TENM1: variants seen among roughly 807,000 people sequenced by gnomAD.
TENM1 encodes teneurin transmembrane protein 1, also known as teneurin-1.
A neutral mutation model predicts 174.8 loss-of-function variants in TENM1; 35 were observed. The observed-to-expected ratio is 0.20, with a 90% CI of 0.15 to 0.27. The LOEUF (loss-of-function observed/expected upper bound fraction) is 0.27, where lower values mean the gene tolerates loss of function less well. Ranked by LOEUF, TENM1 falls within the 10% of genes least tolerant of loss-of-function variation. The probability of loss-of-function intolerance (pLI) is 1.00; values close to 1 mark genes in which losing one functional copy is unlikely to be tolerated. For missense variants in TENM1, 1,633 were observed against 2,130.1 expected (o/e 0.77, Z 4.59); for synonymous variants, 781 against 798.7 (o/e 0.98, Z 0.37).
chrX:124,905,331 A>ATGAT (rs1384197208), intron 1 of TENM1, among the ~76,000 whole-genome samples: 1 of 111,734 alleles, frequency 8.9e-6, no homozygotes, highest in Non-Finnish European at 1.9e-5. Context: ...GAATGAATGA[A>ATGAT]TAAATTTTCT....
the TENM1 span, among the ~76,000 whole-genome samples, chrX:125,135,300 G>A: frequency 8.9e-6 from 1 of 111,972 alleles, no homozygotes; most frequent in African/African-American, 3.2e-5. Context: ...CCCTGGGGAT[G>A]TGACCATTTC....
At chrX:125,060,861 G>C in the TENM1 span, among the ~76,000 whole-genome samples, 2 of 111,065 alleles carry the variant, frequency 1.8e-5, no homozygotes, top group South Asian at 7.6e-4. Context: ...AATTTGAATA[G>C]GTCTGAGTCA....
chrX:124,655,499 C>T (rs993217814), intron 6 of TENM1, among the ~76,000 whole-genome samples: 1 of 111,530 alleles, frequency 9.0e-6, no homozygotes, highest in Non-Finnish European at 1.9e-5. Flanking sequence ...TTTCAGCCAT[C>T]AACTCCTTCT....
the TENM1 span, among the ~76,000 whole-genome samples, chrX:125,135,138 G>C: frequency 4.7e-5 from 5 of 106,925 alleles, no homozygotes; most frequent in Non-Finnish European, 9.6e-5. Flanking sequence ...CCTTGGGTGT[G>C]TATTCTATGA....
intron 11 of TENM1, among the ~76,000 whole-genome samples, chrX:124,640,834 G>A (rs778891140): frequency 7.3e-5 from 8 of 109,639 alleles, no homozygotes; most frequent in Non-Finnish European, 1.5e-4. Flanking sequence ...GGTGTCACGC[G>A]CCTGTAGTCC....
chrX:124,971,183 G>GT, the TENM1 span, among the ~76,000 whole-genome samples: 1 of 107,791 alleles, frequency 9.3e-6, no homozygotes, highest in African/African-American at 3.4e-5. Flanking sequence ...TATACCTAAT[G>GT]TAAATGACGG....
the TENM1 span, among the ~76,000 whole-genome samples, chrX:124,976,303 G>A: frequency 9.0e-6 from 1 of 111,279 alleles, no homozygotes; most frequent in Non-Finnish European, 1.9e-5. Flanking sequence ...AGCACAGAGA[G>A]GTTAACTAAT....
At chrX:125,159,020 A>C in the TENM1 span, among the ~76,000 whole-genome samples, 1 of 111,233 alleles carries the variant, frequency 9.0e-6, no homozygotes, top group East Asian at 2.8e-4. Context: ...GTAAAGGCAG[A>C]AACAGTCTAG....
chrX:124,687,294 C>A (rs2052390590), intron 5 of TENM1, among the ~76,000 whole-genome samples: 1 of 111,638 alleles, frequency 9.0e-6, no homozygotes, highest in South Asian at 3.8e-4. Flanking sequence ...CTACAACCAT[C>A]TGATCTTCGA....
chrX:124,909,414 A>G (rs1381306579), intron 1 of TENM1, among the ~76,000 whole-genome samples: 2 of 112,014 alleles, frequency 1.8e-5, no homozygotes, highest in African/African-American at 6.5e-5. Context: ...TGCTGTCTCC[A>G]TCTGGATTTC....
chrX:124,588,583 C>G (rs1194019908), intron 11 of TENM1, among the ~76,000 whole-genome samples: 6 of 109,742 alleles, frequency 5.5e-5, no homozygotes, highest in African/African-American at 2.0e-4. Context: ...AGGAGATATA[C>G]CTAATGCTAA....
chrX:125,120,329 A>G, the TENM1 span, among the ~76,000 whole-genome samples: 1 of 111,320 alleles, frequency 9.0e-6, no homozygotes, highest in African/African-American at 3.3e-5. Context: ...TATGTTTTTA[A>G]GTTCCAGTGT....
chrX:124,629,805 C>T (rs971818319), intron 11 of TENM1, among the ~76,000 whole-genome samples: 2 of 112,035 alleles, frequency 1.8e-5, no homozygotes, highest in African/African-American at 6.5e-5. Flanking sequence ...GATCCTTCCC[C>T]ATATATGCTC....
chrX:124,751,971 T>C (rs1489414206), intron 3 of TENM1, among the ~76,000 whole-genome samples: 3 of 110,943 alleles, frequency 2.7e-5, no homozygotes, highest in African/African-American at 9.9e-5. Flanking sequence ...TGTGTCTTTA[T>C]AGCGGCATGA....
intron 20 of TENM1, among the ~76,000 whole-genome samples, chrX:124,494,336 G>C (rs991125576): frequency 2.7e-5 from 3 of 110,809 alleles, no homozygotes; most frequent in African/African-American, 9.8e-5. Flanking sequence ...ATAGCATCTA[G>C]ATCTTCTGAA....
At chrX:125,127,621 A>G in the TENM1 span, among the ~76,000 whole-genome samples, 1 of 111,330 alleles carries the variant, frequency 9.0e-6, no homozygotes, top group Non-Finnish European at 1.9e-5. Context: ...TACATTGGAG[A>G]GGCAGCCCCA....
chrX:124,936,644 G>C (rs1255515308), intron 1 of TENM1, among the ~76,000 whole-genome samples: 3 of 112,323 alleles, frequency 2.7e-5, no homozygotes, highest in Non-Finnish European at 5.6e-5. Flanking sequence ...TAAATACTAA[G>C]AGTGCAATGA....
At chrX:124,551,528 CCA>C (rs200848099) in intron 14 of TENM1, among the ~76,000 whole-genome samples, 4,499 of 101,397 alleles carry the variant, frequency 0.044, 111 homozygotes, top group African/African-American at 0.082. Context: ...ACACACACAC[CCA>C]CACACACACA....
the TENM1 span, among the ~76,000 whole-genome samples, chrX:125,159,163 GTGTATGAT>G: frequency 8.9e-6 from 1 of 111,753 alleles, no homozygotes; most frequent in Non-Finnish European, 1.9e-5. Flanking sequence ...AGCTCTATGG[GTGTATGAT>G]TGCTAATCAC....
Sources: gnomAD v4.1 joint callset for allele counts (sites outside exome capture counted in the v4.1 genomes callset) on GRCh38, gnomAD v4.1.1 for gene constraint, MANE v1.5 for transcripts, NCBI Gene and HGNC (gene_info 2026-07-23, HGNC 2026-07-21) for gene names.